ARHGEF3: variants seen among roughly 807,000 people sequenced by gnomAD.
ARHGEF3 encodes the protein 59.8 kDA protein.
ARHGEF3 carries 28 observed loss-of-function variants against 63.2 expected under a neutral mutation model. The ratio of observed to expected loss-of-function variants is 0.44; its 90% CI spans 0.33 to 0.61. The LOEUF is 0.61. ARHGEF3 is among the 20% of genes least tolerant of loss of function. ARHGEF3 has a pLI of 0.03. For synonymous variants in ARHGEF3, 266 were observed against 254.2 expected (o/e 1.05, Z -0.44); for missense variants, 533 against 659.3 (o/e 0.81, Z 2.10).
upstream of ARHGEF3, among the ~76,000 whole-genome samples, chr3:56,804,474 T>G (rs376426398): frequency 2.1e-4 from 32 of 152,266 alleles, no homozygotes; most frequent in African/African-American, 7.7e-4. Context: ...TCACACTAAA[T>G]CCACTTACTT....
At chr3:56,797,647 T>C (rs1403669115) in intron 1 of ARHGEF3, among the ~76,000 whole-genome samples, 3 of 152,192 alleles carry the variant, frequency 2.0e-5, no homozygotes, top group Non-Finnish European at 2.9e-5. Flanking sequence ...TCAGCTGGCA[T>C]TCAAGAAGTA....
chr3:56,902,348 G>C (rs1017996993), intron 3 of ARHGEF3, among the ~76,000 whole-genome samples: 4 of 152,142 alleles, frequency 2.6e-5, no homozygotes, highest in Non-Finnish European at 5.9e-5. Context: ...GTGGATAGAT[G>C]GATGGAGATA....
chr3:56,756,175 GA>G (rs2035055960), intron 2 of ARHGEF3, among the ~76,000 whole-genome samples: 1 of 152,194 alleles, frequency 6.6e-6, no homozygotes, highest in Admixed American at 6.5e-5. Flanking sequence ...TGATCCAGAA[GA>G]AAGCTGAGTG....
intron 2 of ARHGEF3, among the ~76,000 whole-genome samples, chr3:56,989,036 G>A (rs1475299374): frequency 1.3e-5 from 2 of 152,128 alleles, no homozygotes; most frequent in African/African-American, 2.4e-5. Context: ...GCCACTGAAC[G>A]TTTCCAAGGA....
rs557621040 is a variant in ARHGEF3 at position 56,732,402 on chromosome 3, T to C, written c.1064A>G (p.Gln355Arg). The C allele has an allele frequency of 1.2e-5, 20 of 1,614,192 alleles. No individual in the cohort carries two copies. In the East Asian group the frequency reaches 4.2e-4, roughly 34 times the overall value. The change falls in exon 9 of 10, where the codon CAA becomes CGA. Residue 355 changes from glutamine (Q) to arginine (R), a missense_variant. Gln to Arg is a conservative substitution (Grantham distance 43, BLOSUM62 1). Around this residue, in one of 4 missense-constraint regions of ARHGEF3, gnomAD observed 151 missense variants for 190.7 expected, o/e 0.79. Transcript: ENST00000296315. ...RGVKLHVFLF[Q>R]EVLVITRAVT... ...GGCTCGAGTGATCACAAGCACTTCT[T>C]GGAACAGGAAAACATGCAGTTTCTA...
intron 3 of ARHGEF3, among the ~76,000 whole-genome samples, chr3:56,929,242 C>A (rs1407485393): frequency 6.6e-6 from 1 of 152,164 alleles, no homozygotes; most frequent in Non-Finnish European, 1.5e-5. Flanking sequence ...AGGATTTGCA[C>A]TAATTATTTC....
intron 3 of ARHGEF3, among the ~76,000 whole-genome samples, chr3:56,904,841 T>A (rs2041635197): frequency 6.6e-6 from 1 of 152,232 alleles, no homozygotes; most frequent in Non-Finnish European, 1.5e-5. Context: ...TTCATACCAA[T>A]ACAAGCATGT....
intron 7 of ARHGEF3, among the ~76,000 whole-genome samples, chr3:56,741,784 T>C (rs1454585464): frequency 6.6e-6 from 1 of 152,158 alleles, no homozygotes; most frequent in Non-Finnish European, 1.5e-5. Context: ...ATTACAGGCG[T>C]GAGCCACCGC....
intron 2 of ARHGEF3, among the ~76,000 whole-genome samples, chr3:57,001,769 A>G (rs1419544841): frequency 1.3e-5 from 2 of 152,326 alleles, no homozygotes; most frequent in East Asian, 3.9e-4. Flanking sequence ...ACTGTAGCCA[A>G]CTGAATTATT....
At chr3:57,052,431 G>T (rs1354149360) in intron 1 of ARHGEF3, among the ~76,000 whole-genome samples, 2 of 152,052 alleles carry the variant, frequency 1.3e-5, no homozygotes. Context: ...CGAGTAACTG[G>T]GATTACAGGC....
At position 56,736,041 on chromosome 3, in the gene ARHGEF3, G is replaced by A. The variant is rs1033081009; in HGVS notation, c.1041+1144C>T. Among the ~76,000 whole-genome samples the A allele has an allele frequency of 8.9e-5, 12 of 134,418 alleles. No individual in the cohort carries two copies. In the South Asian group the frequency reaches 3.0e-3, roughly 33 times the overall value. 88.2% of individuals were successfully genotyped at this position (134,418 alleles called of 152,430 possible). ...CTCTCCCAATGGCTATCTCAACACA[G>A]AAATTTAAACACACACACACACACA... On this transcript the variant is annotated intron_variant, in intron 8 of 9. Transcript: ENST00000296315.
chr3:56,936,589 G>T (rs540000981), intron 3 of ARHGEF3, among the ~76,000 whole-genome samples: 3 of 152,260 alleles, frequency 2.0e-5, no homozygotes, highest in African/African-American at 7.2e-5. Context: ...GCCCAAAAGT[G>T]TTTAACCTAA....
intron 1 of ARHGEF3, among the ~76,000 whole-genome samples, chr3:57,039,705 C>T (rs1704100257): frequency 6.6e-6 from 1 of 152,164 alleles, no homozygotes; most frequent in Admixed American, 6.5e-5. Context: ...GTGGCTCCTC[C>T]TCTTGTTTTC....
chr3:56,951,266 C>T (rs1290565494), intron 3 of ARHGEF3, among the ~76,000 whole-genome samples: 1 of 149,304 alleles, frequency 6.7e-6, no homozygotes, highest in Non-Finnish European at 1.5e-5. Context: ...TACCCTAAAA[C>T]TTAAAGTATA....
intron 3 of ARHGEF3, chr3:56,938,486 AAC>A (rs1478976721): frequency 6.6e-6 from 1 of 152,200 alleles, no homozygotes; most frequent in Non-Finnish European, 1.5e-5. Context: ...GTGTGCACCT[AAC>A]ACAGACAAGA....
chr3:56,885,151 G>A (rs922086625), intron 3 of ARHGEF3, among the ~76,000 whole-genome samples: 46 of 152,188 alleles, frequency 3.0e-4, no homozygotes, highest in African/African-American at 1.1e-3. Context: ...ATGAATTGGG[G>A]CATGGCAGCA....
rs1282009765 is a variant in ARHGEF3, at chr3:56,941,606, A to T, written c.129+17217T>A. 2.0e-5 allele frequency among the ~76,000 whole-genome samples: 3 copies of T among 152,288 alleles called. No individual in the cohort carries two copies. The East Asian group carries it at 5.8e-4, about 29-fold the overall frequency. ...TGTGGAAGATTGTGATTGTGGAAGG[A>T]GTTCTTTTTTAATTATTCTACGTGT... On this transcript the variant is annotated intron_variant, in intron 3 of 12. Transcript: ENST00000338458.
chr3:56,831,847 G>T (rs77265651), intron 4 of ARHGEF3, among the ~76,000 whole-genome samples: 1 of 152,064 alleles, frequency 6.6e-6, no homozygotes, highest in African/African-American at 2.4e-5. Flanking sequence ...ATTTTTTTCT[G>T]GACCTAAATT....
At chr3:56,925,722 T>C (rs1327299330) in intron 3 of ARHGEF3, among the ~76,000 whole-genome samples, 2 of 152,122 alleles carry the variant, frequency 1.3e-5, no homozygotes, top group Non-Finnish European at 2.9e-5. Flanking sequence ...TTGGCAGTAA[T>C]GGAATAAGGA....
Sources: gnomAD v4.1 joint callset for allele counts (sites outside exome capture counted in the v4.1 genomes callset) on GRCh38, gnomAD v4.1.1 for gene constraint, gnomAD v4.1.1 regional missense constraint, MANE v1.5 for transcripts, NCBI Gene and HGNC (gene_info 2026-07-23, HGNC 2026-07-21) for gene names.